AFF3: variants seen among roughly 807,000 people sequenced by gnomAD.
The protein encoded by AFF3 is AF4/FMR2 family member 3.
A neutral mutation model predicts 129.7 loss-of-function variants in AFF3; 32 were observed. The ratio of observed to expected loss-of-function variants is 0.25; its 90% CI spans 0.19 to 0.33. The LOEUF is 0.33. AFF3 is among the 10% of genes least tolerant of loss of function. The pLI is 1.00. For synonymous variants in AFF3, 644 were observed against 635.4 expected (o/e 1.01, Z -0.20); for missense variants, 1,373 against 1,592.0 (o/e 0.86, Z 2.34).
chr2:99,645,432 T>A (rs1558690774), intron 13 of AFF3, among the ~76,000 whole-genome samples: 1 of 152,228 alleles, frequency 6.6e-6, no homozygotes, highest in Non-Finnish European at 1.5e-5. Context: ...TAAATGGGCC[T>A]CTGGTAGGCC....
At chr2:99,553,828 C>T (rs1183228917) in intron 24 of AFF3, among the ~76,000 whole-genome samples, 7 of 144,806 alleles carry the variant, frequency 4.8e-5, no homozygotes, top group African/African-American at 7.7e-5. Context: ...GCAGAAGAAT[C>T]GCTTGAACCC....
chr2:100,090,662 CATACATACAT>C (rs1390349154), intron 4 of AFF3, among the ~76,000 whole-genome samples: 2 of 151,976 alleles, frequency 1.3e-5, no homozygotes, highest in South Asian at 2.1e-4. Context: ...CATTTACATA[CATACATACAT>C]ATATATATAT....
intron 7 of AFF3, among the ~76,000 whole-genome samples, chr2:99,904,876 C>T (rs1417437740): frequency 2.6e-5 from 4 of 152,078 alleles, no homozygotes; most frequent in Admixed American, 1.3e-4. Context: ...CGAGCCGTTC[C>T]CATATTGCTG....
intron 8 of AFF3, among the ~76,000 whole-genome samples, chr2:99,835,596 G>T: frequency 6.6e-6 from 1 of 152,048 alleles, no homozygotes; most frequent in East Asian, 1.9e-4. Flanking sequence ...CTGACAAGTA[G>T]GGAGAGAGAG....
At chr2:99,793,060 G>A (rs1685309858) in intron 8 of AFF3, among the ~76,000 whole-genome samples, 1 of 152,142 alleles carries the variant, frequency 6.6e-6, no homozygotes, top group Non-Finnish European at 1.5e-5. Flanking sequence ...ATGACCCCTG[G>A]TGTTGGAGGT....
intron 3 of AFF3, chr2:100,104,805 G>GCCGCCGCCA: frequency 3.1e-6 from 1 of 326,488 alleles, no homozygotes; most frequent in Non-Finnish European, 4.0e-6. Context: ...TGCAGCCGCC[G>GCCGCCGCCA]CCGCCGCCGC....
intron 4 of AFF3, among the ~76,000 whole-genome samples, chr2:100,103,088 A>G (rs943656201): frequency 1.3e-4 from 20 of 152,282 alleles, no homozygotes; most frequent in African/African-American, 4.8e-4. Flanking sequence ...AGGATCTTTT[A>G]TAAGAAACCG....
intron 4 of AFF3, among the ~76,000 whole-genome samples, chr2:100,056,059 T>TCACACACA (rs747714847): frequency 0.014 from 1,644 of 114,424 alleles, 16 homozygotes; most frequent in East Asian, 0.017. Flanking sequence ...TCGCTGTCTC[T>TCACACACA]CTCTCACACA....
At chr2:99,696,851 G>T (rs534756045) in intron 11 of AFF3, among the ~76,000 whole-genome samples, 1 of 152,142 alleles carries the variant, frequency 6.6e-6, no homozygotes, top group South Asian at 2.1e-4. Flanking sequence ...TTGCTATGTT[G>T]CCCAGCTTGG....
chr2:99,666,726 G>A (rs903261074), intron 12 of AFF3, among the ~76,000 whole-genome samples: 9 of 152,124 alleles, frequency 5.9e-5, no homozygotes, highest in African/African-American at 2.2e-4. Context: ...CATTATGAAA[G>A]CATTAATCAA....
chr2:99,899,080 A>C (rs1694181372), intron 7 of AFF3, among the ~76,000 whole-genome samples: 1 of 152,242 alleles, frequency 6.6e-6, no homozygotes. Flanking sequence ...GATTGTCTTA[A>C]TAAGTACCTG....
chr2:99,580,751 C>A (rs1201310275), intron 17 of AFF3: 31 of 161,748 alleles, frequency 1.9e-4, no homozygotes, highest in Non-Finnish European at 1.8e-4. Flanking sequence ...AAAAAATTAG[C>A]CCTGGGCGTG....
At chr2:99,844,195 A>G (rs1418717807) in intron 7 of AFF3, among the ~76,000 whole-genome samples, 2 of 152,234 alleles carry the variant, frequency 1.3e-5, no homozygotes, top group Non-Finnish European at 2.9e-5. Context: ...CAATGTACGA[A>G]GAGGAGCAAA....
chr2:99,695,342 C>T (rs1357782780), intron 11 of AFF3, among the ~76,000 whole-genome samples: 1 of 152,134 alleles, frequency 6.6e-6, no homozygotes, highest in Admixed American at 6.5e-5. Flanking sequence ...GGCGAGTCTC[C>T]CAGGGTGGGA....
chr2:99,906,386 G>A (rs890749243), intron 7 of AFF3, among the ~76,000 whole-genome samples: 1 of 152,064 alleles, frequency 6.6e-6, no homozygotes, highest in African/African-American at 2.4e-5. Flanking sequence ...GGGTGCTTTC[G>A]GACCTATGTG....
intron 8 of AFF3, among the ~76,000 whole-genome samples, chr2:99,796,163 G>T (rs1192327391): frequency 1.3e-5 from 2 of 152,068 alleles, no homozygotes; most frequent in African/African-American, 4.8e-5. Context: ...TCAGTATGAA[G>T]GTTTTTGGTA....
intron 7 of AFF3, among the ~76,000 whole-genome samples, chr2:99,933,331 ACT>A (rs1674215273): frequency 2.0e-5 from 3 of 151,050 alleles, no homozygotes; most frequent in Admixed American, 6.6e-5. Context: ...AATTGGAAAG[ACT>A]CTTTTTTTTT....
At chr2:99,667,402 T>C (rs1032441294) in intron 12 of AFF3, among the ~76,000 whole-genome samples, 7 of 152,122 alleles carry the variant, frequency 4.6e-5, no homozygotes, top group African/African-American at 1.7e-4. Flanking sequence ...TAAATACTTA[T>C]ATCATAAAAA....
At chr2:99,824,102 A>T (rs934378697) in intron 8 of AFF3, among the ~76,000 whole-genome samples, 5 of 152,262 alleles carry the variant, frequency 3.3e-5, no homozygotes, top group East Asian at 1.9e-4. Context: ...TAAAATTATT[A>T]AAAAAGAATA....
Sources: gnomAD v4.1 joint callset for allele counts (sites outside exome capture counted in the v4.1 genomes callset) on GRCh38, gnomAD v4.1.1 for gene constraint, MANE v1.5 for transcripts, NCBI Gene and HGNC (gene_info 2026-07-23, HGNC 2026-07-21) for gene names.